The following SAMSN1 variants were observed in gnomAD, a reference collection of about 807,000 sequenced individuals.
SAMSN1 encodes the protein SAM domain, SH3 domain and nuclear localization signals 1.
Under a neutral mutation model 42.0 loss-of-function variants are expected in SAMSN1, and 31 were observed. That is an observed-to-expected ratio of 0.74 (90% confidence interval 0.55 to 1.00). SAMSN1 has a LOEUF of 1.00. Among genes scored for constraint, SAMSN1 ranks in the 50% least tolerant of loss-of-function variants. The probability of loss-of-function intolerance (pLI) is 0.00; values close to 1 mark genes in which losing one functional copy is unlikely to be tolerated. For missense variants in SAMSN1, 464 were observed against 439.4 expected, an observed-to-expected ratio of 1.06 and a Z score of -0.50; for synonymous variants, 178 against 151.9, an observed-to-expected ratio of 1.17 and a Z score of -1.26.
chr21:14,610,400 G>A (rs1158432420), intron 4 of SAMSN1, among the ~76,000 whole-genome samples: 3 of 152,236 alleles, frequency 2.0e-5, no homozygotes, highest in Non-Finnish European at 2.9e-5. Context: ...TAGTCAGACT[G>A]GTTCTCTGCT....
intron 6 of SAMSN1, among the ~76,000 whole-genome samples, chr21:14,499,575 TAAAGAAC>T (rs1041388429): frequency 7.9e-5 from 12 of 151,458 alleles, no homozygotes; most frequent in Middle Eastern, 3.5e-3. Context: ...TGAATTAGAA[TAAAGAAC>T]ACAAAATTTC....
intron 2 of SAMSN1, among the ~76,000 whole-genome samples, chr21:14,629,868 C>CA (rs1358759120): frequency 6.6e-6 from 1 of 152,022 alleles, no homozygotes; most frequent in African/African-American, 2.4e-5. Flanking sequence ...TCCTCCTTTG[C>CA]AAAAAGATTC....
intron 5 of SAMSN1, among the ~76,000 whole-genome samples, chr21:14,502,618 G>C (rs1987216053): frequency 6.6e-6 from 1 of 152,170 alleles, no homozygotes. Context: ...GCACGGTATT[G>C]TACGGAAGTT....
intron 3 of SAMSN1, among the ~76,000 whole-genome samples, chr21:14,516,396 T>A (rs73344176): frequency 0.038 from 5,759 of 152,172 alleles, 348 homozygotes; most frequent in African/African-American, 0.13. Flanking sequence ...GATCTTTTTT[T>A]TTGTTTTGTT....
intron 3 of SAMSN1, among the ~76,000 whole-genome samples, chr21:14,513,520 C>T (rs943144738): frequency 4.0e-5 from 6 of 151,396 alleles, no homozygotes; most frequent in East Asian, 1.9e-4. Flanking sequence ...TTTGTGTGTG[C>T]GTGTGTGTGT....
intron 7 of SAMSN1, among the ~76,000 whole-genome samples, chr21:14,488,697 A>G (rs186287604): frequency 6.6e-6 from 1 of 152,320 alleles, no homozygotes; most frequent in East Asian, 1.9e-4. Flanking sequence ...CATTTATTGT[A>G]GAAACCTTTC....
Position 14,634,201 on chromosome 21 carries a change from T to TAA in SAMSN1, c.156+8799_156+8800dup, listed in dbSNP as rs34278366. Among the ~76,000 whole-genome samples, 1,500 of 151,244 alleles carry TAA rather than the reference T, an allele frequency of 9.9e-3. 27 individuals are homozygous for TAA. Among genetic ancestry groups the TAA allele is most frequent in the African/African-American group, 0.033 (1,375 of 41,212 alleles). On this transcript the variant is annotated intron_variant, in intron 2 of 15. Coordinates refer to the SAMSN1 transcript ENST00000647101. Reference sequence around the variant, plus strand: ...GACTTAAATTTAAAACCCAAAACTATAAAAAAAACCCTAGAAGAAAACGTA... The same window carrying TAA: ...GACTTAAATTTAAAACCCAAAACTATAAAAAAAAAACCCTAGAAGAAAACGTA...
At chr21:14,535,236 G>T (rs1307677912) in intron 1 of SAMSN1, among the ~76,000 whole-genome samples, 1 of 152,172 alleles carries the variant, frequency 6.6e-6, no homozygotes, top group East Asian at 1.9e-4. Flanking sequence ...CAGCCAGAAA[G>T]CATGGGTCAA....
intron 2 of SAMSN1, among the ~76,000 whole-genome samples, chr21:14,632,225 C>T (rs1983348945): frequency 6.6e-6 from 1 of 151,610 alleles, no homozygotes. Flanking sequence ...TCTTTGGTGG[C>T]TGGTTTATAC....
At chr21:14,592,167 T>A (rs1982105253) in intron 7 of SAMSN1, 1 of 152,184 alleles carries the variant, frequency 6.6e-6, no homozygotes. Context: ...TATCCTCTGC[T>A]CTGAAATTTT....
chr21:14,656,349 G>A (rs986223484), intron 1 of SAMSN1, among the ~76,000 whole-genome samples: 3 of 151,832 alleles, frequency 2.0e-5, no homozygotes, highest in East Asian at 1.9e-4. Context: ...CAAGTAAAAT[G>A]AAAGGGATAG....
At chr21:14,524,400 TA>T (rs1407139485) in intron 1 of SAMSN1, among the ~76,000 whole-genome samples, 1 of 152,142 alleles carries the variant, frequency 6.6e-6, no homozygotes, top group African/African-American at 2.4e-5. Context: ...TGAGCTTAAA[TA>T]AAAATGCTAT....
At chr21:14,489,566 A>G (rs567050046) in intron 7 of SAMSN1, among the ~76,000 whole-genome samples, 2 of 152,200 alleles carry the variant, frequency 1.3e-5, no homozygotes, top group Admixed American at 6.5e-5. Flanking sequence ...ATTAGAATAC[A>G]CTGAAGAATT....
chr21:14,659,377 C>CT (rs955367012), upstream of SAMSN1, among the ~76,000 whole-genome samples: 3 of 151,914 alleles, frequency 2.0e-5, no homozygotes, highest in Non-Finnish European at 4.4e-5. Flanking sequence ...ACTGTCACCA[C>CT]CATGAATCTC....
intron 2 of SAMSN1, among the ~76,000 whole-genome samples, chr21:14,629,864 T>C (rs918632504): frequency 2.6e-4 from 40 of 152,100 alleles, no homozygotes; most frequent in Non-Finnish European, 3.4e-4. Flanking sequence ...AGATTCCTCC[T>C]TTGCAAAAAG....
intron 2 of SAMSN1, among the ~76,000 whole-genome samples, chr21:14,560,717 T>C (rs1980917546): frequency 6.6e-6 from 1 of 152,178 alleles, no homozygotes; most frequent in Non-Finnish European, 1.5e-5. Flanking sequence ...CAGTGCCTTT[T>C]ATCTAACCAC....
At chr21:14,544,266 G>T (rs1310917062) in intron 1 of SAMSN1, among the ~76,000 whole-genome samples, 1 of 152,082 alleles carries the variant, frequency 6.6e-6, no homozygotes, top group Non-Finnish European at 1.5e-5. Flanking sequence ...GCCCAGACTG[G>T]GCTGGAACTC....
At chr21:14,556,988 A>G (rs939288135) in intron 2 of SAMSN1, among the ~76,000 whole-genome samples, 6 of 152,208 alleles carry the variant, frequency 3.9e-5, no homozygotes, top group African/African-American at 1.4e-4. Context: ...CTGATTAACT[A>G]CAAACCAATA....
intron 1 of SAMSN1, among the ~76,000 whole-genome samples, chr21:14,649,273 G>T (rs1376111857): frequency 7.4e-6 from 1 of 134,934 alleles, no homozygotes; most frequent in African/African-American, 2.8e-5. Flanking sequence ...GGACTGTTGT[G>T]GGGTGGGGGG....
Sources: gnomAD v4.1 joint callset for allele counts (sites outside exome capture counted in the v4.1 genomes callset) on GRCh38, gnomAD v4.1.1 for gene constraint, MANE v1.5 for transcripts, NCBI Gene and HGNC (gene_info 2026-07-23, HGNC 2026-07-21) for gene names.